The following ADCY5 variants were observed in gnomAD, a reference collection of about 807,000 sequenced individuals.
ADCY5 encodes adenylate cyclase 5, also known as adenylate cyclase type 5.
In ADCY5, 30 loss-of-function variants were observed where a neutral mutation model predicts 119.7. That is an observed-to-expected ratio of 0.25 (90% CI 0.19 to 0.34). The LOEUF is 0.34. Among genes scored for constraint, ADCY5 ranks in the 10% least tolerant of loss-of-function variants. ADCY5 has a pLI of 1.00. For missense variants in ADCY5, 1,324 were observed against 1,775.2 expected (o/e 0.75, Z 4.57); for synonymous variants, 753 against 762.2 (o/e 0.99, Z 0.20).
At chr3:123,367,137 G>A (rs1943469937) in intron 1 of ADCY5, among the ~76,000 whole-genome samples, 1 of 152,226 alleles carries the variant, frequency 6.6e-6, no homozygotes, top group African/African-American at 2.4e-5. Context: ...GATCCATGGG[G>A]AATCCCAGAG....
Position 123,304,112 on chromosome 3 carries a change from C to T in ADCY5, c.2514G>A (p.Gly838=). 2 of 1,613,920 alleles carry T rather than the reference C, an allele frequency of 1.2e-6. No individual in the cohort carries two copies. Among genetic ancestry groups the T allele is most frequent in the Non-Finnish European group, 1.7e-6 (2 of 1,179,980 alleles). The part of the protein sequence containing the change: ...VRSKMNSTLV[G]VFTITLVFLA... ...GGAACACCAGGGTGATGGTGAACAC[C>T]CCAACCAGGGTGCTGTTCATCTTGG... Residue 838 remains glycine (G), a synonymous_variant, in exon 13 of 21, where the codon GGG becomes GGA. Transcript: ENST00000462833.
At chr3:123,401,270 G>A (rs1482348174) in intron 1 of ADCY5, among the ~76,000 whole-genome samples, 1 of 152,202 alleles carries the variant, frequency 6.6e-6, no homozygotes, top group East Asian at 1.9e-4. Context: ...CAGACAGGTG[G>A]TAAATGAGGT....
At chr3:123,429,496 C>T (rs1945478613) in intron 1 of ADCY5, among the ~76,000 whole-genome samples, 1 of 152,118 alleles carries the variant, frequency 6.6e-6, no homozygotes, top group South Asian at 2.1e-4. Context: ...AAAGTAAGCT[C>T]CCTCATCTCA....
chr3:123,376,799 C>T (rs534797934), intron 1 of ADCY5, among the ~76,000 whole-genome samples: 1 of 152,344 alleles, frequency 6.6e-6, no homozygotes, highest in East Asian at 1.9e-4. Context: ...TCAGCAAGAC[C>T]AGGCAGGAAG....
rs1194724841 is a variant in ADCY5, at chr3:123,447,904, C to T, written c.642G>A (p.Gln214=). The change falls in exon 1 of 21, where the codon CAG becomes CAA. Residue 214 remains glutamine, a synonymous_variant. Transcript: ENST00000462833. ...SLGACCLALL[Q]IFRSKKFPSD... ...ACGGGAACTTCTTGGAGCGGAATAT[C>T]TGCAGCAACGCCAGGCAGCAGGCGC... The T allele has an allele frequency of 1.2e-6, 2 of 1,610,624 alleles. No homozygotes were observed. Among genetic ancestry groups the T allele is most frequent in the Admixed American group, 1.7e-5 (1 of 59,850 alleles).
At chr3:123,296,965 C>T (rs1312274531) in intron 16 of ADCY5, 2 of 1,534,320 alleles carry the variant, frequency 1.3e-6, no homozygotes, top group Non-Finnish European at 1.7e-6. Context: ...GTCCCACAAG[C>T]ACTGCAGCCC....
rs967228995 is a variant in ADCY5 at position 123,302,718 on chromosome 3, C to T, written c.2724+337G>A. On this transcript the variant is annotated intron_variant, in intron 14 of 20. Coordinates refer to ENST00000462833, the MANE Select transcript of ADCY5 (RefSeq NM_183357.3). ...TAGCCTCTCTGTGTATCAGGTTCTT[C>T]GTCTCTACAAAGGAGATAATATAAT... Among the ~76,000 whole-genome samples, 8 of 152,186 alleles carry T rather than the reference C, an allele frequency of 5.3e-5. No individual in the cohort carries two copies. In the East Asian group the frequency reaches 5.8e-4, roughly 11 times the overall value.
chr3:123,391,224 G>A (rs1463656790), intron 1 of ADCY5, among the ~76,000 whole-genome samples: 3 of 152,146 alleles, frequency 2.0e-5, no homozygotes, highest in East Asian at 3.8e-4. Context: ...TGTGGGTCTG[G>A]GGTAAGGAAA....
At position 123,328,727 on chromosome 3, in the gene ADCY5, G is replaced by T. The variant is rs765460139; in HGVS notation, c.1722C>A (p.Val574=). 8 of 1,614,122 alleles carry T rather than the reference G, an allele frequency of 5.0e-6. No individual in the cohort carries two copies. Among genetic ancestry groups the T allele is most frequent in the Non-Finnish European group, 6.8e-6 (8 of 1,180,056 alleles). The part of the protein sequence containing the change: ...GIHSGRVHCG[V]LGLRKWQFDV... ...CGAACTGCCACTTCCTGAGACCAAG[G>T]ACACCGCAGTGTACTCGCCCGCTGT... Residue 574 remains valine (V), a synonymous_variant, in exon 6 of 21, where the codon GTC becomes GTA. Coordinates refer to ENST00000462833, the MANE Select transcript of ADCY5 (RefSeq NM_183357.3).
chr3:123,391,285 A>G (rs560779657), intron 1 of ADCY5, among the ~76,000 whole-genome samples: 78 of 152,072 alleles, frequency 5.1e-4, no homozygotes, highest in African/African-American at 1.9e-3. Context: ...TGAGGCTTTC[A>G]GGCCACAAAA....
chr3:123,348,063 GTC>G (rs1576606728), intron 2 of ADCY5, among the ~76,000 whole-genome samples, 160 bp from the exon 3 acceptor site: 33 of 150,458 alleles, frequency 2.2e-4, no homozygotes, highest in South Asian at 4.3e-4. Context: ...GTGTGTGTGT[GTC>G]TGTGCATGTG....
At chr3:123,423,159 C>T (rs1945334520) in intron 1 of ADCY5, among the ~76,000 whole-genome samples, 1 of 152,192 alleles carries the variant, frequency 6.6e-6, no homozygotes, top group Admixed American at 6.5e-5. Flanking sequence ...GGCACCAGCC[C>T]AGCCCGCCCC....
chr3:123,382,595 G>C (rs1944067231), intron 1 of ADCY5, among the ~76,000 whole-genome samples: 1 of 152,154 alleles, frequency 6.6e-6, no homozygotes. Flanking sequence ...ACCTTCAATA[G>C]GAATGAGATG....
intron 1 of ADCY5, among the ~76,000 whole-genome samples, chr3:123,399,963 A>G (rs1405641215): frequency 6.6e-6 from 1 of 152,166 alleles, no homozygotes; most frequent in South Asian, 2.1e-4. Context: ...CTGCACAACT[A>G]AAGTTCAACC....
At chr3:123,323,090 C>A (rs1481288417) in intron 8 of ADCY5, among the ~76,000 whole-genome samples, 4 of 152,224 alleles carry the variant, frequency 2.6e-5, no homozygotes, top group African/African-American at 9.6e-5. Context: ...ACGGGCCACG[C>A]TGGAGTGGGT....
rs558629619 is a variant in ADCY5 at position 123,364,762 on chromosome 3, G to A, written c.1135-12181C>T. On this transcript the variant is annotated intron_variant, in intron 1 of 20. Transcript: ENST00000462833. ...ATGTACATTCATTACGGAACACTTC[G>A]AAATCATAGAAAAGGAAAAAAAAAT... Among the ~76,000 whole-genome samples the A allele has an allele frequency of 1.3e-4, 20 of 151,750 alleles. No individual in the cohort carries two copies. In the East Asian group the frequency reaches 3.3e-3, roughly 25 times the overall value.
At chr3:123,407,245 G>A (rs577935566) in intron 1 of ADCY5, among the ~76,000 whole-genome samples, 1 of 151,980 alleles carries the variant, frequency 6.6e-6, no homozygotes, top group African/African-American at 2.4e-5. Context: ...CCATGCCATC[G>A]CCATCAGTGC....
intron 15 of ADCY5, among the ~76,000 whole-genome samples, chr3:123,299,143 G>A (rs1328020413): frequency 3.9e-5 from 6 of 152,146 alleles, no homozygotes; most frequent in Non-Finnish European, 1.5e-5. Context: ...CTGGCATGTA[G>A]ACATTTTAGT....
intron 14 of ADCY5, among the ~76,000 whole-genome samples, chr3:123,301,865 C>G (rs1355520875): frequency 2.7e-5 from 4 of 147,158 alleles, no homozygotes; most frequent in Non-Finnish European, 6.0e-5. Context: ...GAAGGGGAGG[C>G]TGGGTGCAGC....
Sources: allele counts gnomAD v4.1 joint callset (sites outside exome capture counted in the v4.1 genomes callset), GRCh38; gene constraint gnomAD v4.1.1; transcripts MANE v1.5; gene names NCBI Gene and HGNC (gene_info 2026-07-23, HGNC 2026-07-21).